The following ZNF721 variants were observed in gnomAD, a reference collection of about 807,000 sequenced individuals.
ZNF721 encodes zinc finger protein 721.
In ZNF721, 2 loss-of-function variants were observed where a neutral mutation model predicts 2.4. The ratio of observed to expected loss-of-function variants is 0.82; its 90% CI spans 0.34 to 2.58. ZNF721 has a LOEUF of 2.58. Among genes scored for constraint, ZNF721 ranks in the 30% most tolerant of loss-of-function variants. The probability of loss-of-function intolerance (pLI) is 0.11; values close to 1 mark genes in which losing one functional copy is unlikely to be tolerated. For synonymous variants in ZNF721, 398 were observed against 381.8 expected (o/e 1.04, Z -0.50); for missense variants, 1,187 against 1,085.5 (o/e 1.09, Z -1.31).
At chr4:493,637 C>A (rs1716078938) in intron 1 of ZNF721, among the ~76,000 whole-genome samples, 1 of 150,186 alleles carries the variant, frequency 6.7e-6, no homozygotes, top group South Asian at 2.1e-4. Context: ...CAAGCTCATG[C>A]CATTGCACTC....
At chr4:462,619 CT>C (rs1715103731) in intron 2 of ZNF721, among the ~76,000 whole-genome samples, 1 of 152,192 alleles carries the variant, frequency 6.6e-6, no homozygotes, top group Admixed American at 6.5e-5. Context: ...ACCATCTGAT[CT>C]TCGACAAACC....
intron 1 of ZNF721, among the ~76,000 whole-genome samples, chr4:497,931 C>A (rs1716312622): frequency 6.9e-6 from 1 of 145,150 alleles, no homozygotes; most frequent in African/African-American, 2.5e-5. Context: ...ACAGGCCGGG[C>A]GCGGTGGCTC....
chr4:473,263 T>G (rs1299145708), intron 1 of ZNF721, among the ~76,000 whole-genome samples: 2 of 152,124 alleles, frequency 1.3e-5, no homozygotes, highest in African/African-American at 4.8e-5. Flanking sequence ...GTTAGCGTCT[T>G]TTATCAAGTC....
chr4:475,558 A>G (rs6848767), intron 1 of ZNF721, among the ~76,000 whole-genome samples: 22,560 of 151,948 alleles, frequency 0.15, 2,321 homozygotes, highest in African/African-American at 0.29. Context: ...ACTTCTGGCT[A>G]AAATCACCTT....
intron 1 of ZNF721, among the ~76,000 whole-genome samples, chr4:483,478 G>A (rs1179956852): frequency 6.6e-6 from 1 of 152,016 alleles, no homozygotes; most frequent in Non-Finnish European, 1.5e-5. Context: ...CTTGAACCCA[G>A]GAGGCAGAGG....
chr4:453,996 C>T (rs1714756457), intron 2 of ZNF721: 1 of 152,206 alleles, frequency 6.6e-6, no homozygotes, highest in Non-Finnish European at 1.5e-5. Context: ...GTCTGGAGGC[C>T]TTAAATGGCT....
chr4:485,086 T>A (rs1168321866), intron 1 of ZNF721, among the ~76,000 whole-genome samples: 2 of 152,118 alleles, frequency 1.3e-5, no homozygotes, highest in Non-Finnish European at 2.9e-5. Flanking sequence ...CAGGGCAGAT[T>A]CCCCAATAGG....
intron 2 of ZNF721, among the ~76,000 whole-genome samples, chr4:444,892 C>T (rs1445132749): frequency 6.6e-6 from 1 of 151,600 alleles, no homozygotes; most frequent in Non-Finnish European, 1.5e-5. Context: ...GGAAGAACAA[C>T]TTGGGTATTC....
intron 2 of ZNF721, among the ~76,000 whole-genome samples, chr4:448,395 C>G (rs1714545454): frequency 6.6e-6 from 1 of 151,008 alleles, no homozygotes; most frequent in African/African-American, 2.4e-5. Flanking sequence ...GAGATCCCAC[C>G]ACTGCACTCC....
chr4:480,809 G>T (rs1318845379), intron 1 of ZNF721, among the ~76,000 whole-genome samples: 1 of 124,112 alleles, frequency 8.1e-6, no homozygotes, highest in Non-Finnish European at 1.6e-5. Context: ...CTTTTAAGTA[G>T]CTTTCACCTT....
intron 1 of ZNF721, chr4:474,084 C>T (rs782472042): frequency 2.2e-6 from 3 of 1,374,224 alleles, no homozygotes; most frequent in East Asian, 3.6e-5. Flanking sequence ...ATCACCGAGG[C>T]CTCCCTGAGG....
chr4:446,099 A>T (rs537732668), intron 2 of ZNF721, among the ~76,000 whole-genome samples: 1 of 151,326 alleles, frequency 6.6e-6, no homozygotes, highest in Non-Finnish European at 1.5e-5. Flanking sequence ...TACCAAAAAA[A>T]TGCTGAAGAA....
intron 1 of ZNF721, among the ~76,000 whole-genome samples, chr4:496,935 A>G (rs1376108630): frequency 2.0e-5 from 3 of 151,004 alleles, no homozygotes; most frequent in Non-Finnish European, 4.4e-5. Flanking sequence ...GATGGTCTCG[A>G]TCTCCTGACC....
At chr4:459,763 A>G (rs6824170) in intron 2 of ZNF721, among the ~76,000 whole-genome samples, 61,416 of 151,012 alleles carry the variant, frequency 0.41, 12,941 homozygotes, top group African/African-American at 0.52. Context: ...CCCAGGAGGC[A>G]GAGCTTCCAG....
intron 1 of ZNF721, among the ~76,000 whole-genome samples, chr4:486,690 A>G (rs1321663585): frequency 6.6e-6 from 1 of 152,266 alleles, no homozygotes; most frequent in African/African-American, 2.4e-5. Flanking sequence ...TAGTCAACAA[A>G]TACAAAAAAT....
Position 486,190 on chromosome 4 carries a change from C to T in ZNF721, c.-94+12866G>A, listed in dbSNP as rs1253611984. Among the ~76,000 whole-genome samples the T allele has an allele frequency of 2.2e-4, 32 of 145,638 alleles. 1 individual carries two copies. The highest frequency in any genetic ancestry group is 7.0e-4 in the African/African-American group (28 of 39,902). Reference sequence around the variant, plus strand: ...CTTTTTTTTTTTTGAGACGGAGTCTCGCTCTGTCGCCCAGGCTGCATGCAG... The same window carrying T: ...CTTTTTTTTTTTTGAGACGGAGTCTTGCTCTGTCGCCCAGGCTGCATGCAG... On this transcript the variant is annotated intron_variant, in intron 1 of 2. Coordinates refer to ENST00000511833, the MANE Select transcript of ZNF721 (RefSeq NM_133474.4).
At chr4:483,987 T>C (rs540453619) in intron 1 of ZNF721, among the ~76,000 whole-genome samples, 1 of 152,236 alleles carries the variant, frequency 6.6e-6, no homozygotes, top group South Asian at 2.1e-4. Context: ...GATTTTTGTA[T>C]TTTTAGTAGA....
chr4:448,220 A>C (rs1172862932), intron 2 of ZNF721, among the ~76,000 whole-genome samples: 1 of 152,136 alleles, frequency 6.6e-6, no homozygotes, highest in Admixed American at 6.6e-5. Context: ...TTAATGACCA[A>C]ACTGGTATGA....
chr4:485,344 C>T (rs539396340), intron 1 of ZNF721, among the ~76,000 whole-genome samples: 1 of 152,070 alleles, frequency 6.6e-6, no homozygotes, highest in South Asian at 2.1e-4. Context: ...CAATTTCTTA[C>T]AGCAAAGTCC....
Sources: gnomAD v4.1 joint callset for allele counts (sites outside exome capture counted in the v4.1 genomes callset) on GRCh38, gnomAD v4.1.1 for gene constraint, MANE v1.5 for transcripts, NCBI Gene and HGNC (gene_info 2026-07-23, HGNC 2026-07-21) for gene names.